CYTH3: variants seen among roughly 807,000 people sequenced by gnomAD.
CYTH3 encodes the protein cytohesin-3.
In CYTH3, 23 loss-of-function variants were observed where a neutral mutation model predicts 55.1. The observed-to-expected ratio is 0.42, with a 90% CI of 0.30 to 0.59. The LOEUF is 0.59. CYTH3 is among the 20% of genes least tolerant of loss of function. The probability of loss-of-function intolerance (pLI) is 0.20; values close to 1 mark genes in which losing one functional copy is unlikely to be tolerated. For missense variants in CYTH3, 413 were observed against 524.8 expected, an observed-to-expected ratio of 0.79 and a Z score of 2.08; for synonymous variants, 249 against 194.9, an observed-to-expected ratio of 1.28 and a Z score of -2.31.
chr7:6,207,196 G>A lies in CYTH3; in HGVS notation c.35-16665C>T, dbSNP rs562667171. ...TGCAAGCTCCACCTCCTGGGTTCAC[G>A]CCATTCTCCTGCCTCAGCCTCCCGA... On this transcript the variant is annotated intron_variant, in intron 1 of 12. Transcript: ENST00000350796. 1.0e-3 allele frequency among the ~76,000 whole-genome samples: 144 copies of A among 142,460 alleles called. 1 individual carries two copies. Among genetic ancestry groups the A allele is most frequent in the Non-Finnish European group, 1.4e-3 (96 of 66,966 alleles). The allele number at this position is 142,460 out of a possible 152,430, so 93.5% of individuals were successfully genotyped here.
At chr7:6,231,098 T>C (rs116269730) in intron 1 of CYTH3, among the ~76,000 whole-genome samples, 1 of 152,214 alleles carries the variant, frequency 6.6e-6, no homozygotes, top group Non-Finnish European at 1.5e-5. Context: ...TTAGACTTCA[T>C]CAAACACTAC....
chr7:6,250,282 G>A (rs1583196728), intron 1 of CYTH3, among the ~76,000 whole-genome samples: 2 of 152,116 alleles, frequency 1.3e-5, no homozygotes, highest in Non-Finnish European at 2.9e-5. Context: ...ATCAACTAAA[G>A]GATTTCAATA....
intron 1 of CYTH3, among the ~76,000 whole-genome samples, chr7:6,256,089 G>A (rs1382608870): frequency 6.6e-6 from 1 of 152,144 alleles, no homozygotes; most frequent in Non-Finnish European, 1.5e-5. Flanking sequence ...AACCAAAGTT[G>A]AAATGGCCCT....
chr7:6,166,403 G>T (rs1435773977), intron 9 of CYTH3, among the ~76,000 whole-genome samples: 3 of 152,220 alleles, frequency 2.0e-5, no homozygotes, highest in Admixed American at 6.5e-5. Context: ...GCCGGTGTTT[G>T]TTTTTTAAAT....
At chr7:6,207,314 T>C (rs987245112) in intron 1 of CYTH3, among the ~76,000 whole-genome samples, 3 of 152,170 alleles carry the variant, frequency 2.0e-5, no homozygotes, top group Middle Eastern at 3.4e-3. Flanking sequence ...CAGGATGGTC[T>C]CTATCTCCTG....
chr7:6,187,101 C>T lies in CYTH3; in HGVS notation c.198G>A (p.Arg66=), dbSNP rs770301160. The T allele has an allele frequency of 9.9e-6, 16 of 1,614,140 alleles. No homozygotes were observed. The highest frequency in any genetic ancestry group is 1.4e-5 in the Non-Finnish European group (16 of 1,180,010). ...TTCTTCCCATGGCTATCTGTTTGTT[C>T]CTCTGAGTCGTTTTGCTATTGGTGT... ...TSVEESKTTQ[R]NKQIAMGRKK... is the part of the protein sequence containing the mutation. Residue 66 remains arginine (R), a synonymous_variant, in exon 4 of 13, where the codon AGG becomes AGA. Transcript: ENST00000350796.
rs1562876024 is a variant in CYTH3 at position 6,170,814 on chromosome 7, G to GC, written c.711+15_711+16insG. ...AGATCCTGCAGACGGCAGCGGCCGC[G>GC]GGCCGGGGAGCTCACCCTCAGCAGC... On this transcript the variant is annotated intron_variant, in intron 8 of 12. Transcript: ENST00000350796. This position sits in a 1 kb window ranked among gnomAD's most constrained non-coding sequence, Gnocchi z 7.8. 1 of 1,604,866 alleles carries GC rather than the reference G, an allele frequency of 6.2e-7. No homozygotes were observed. Among genetic ancestry groups the GC allele is most frequent in the Non-Finnish European group, 8.5e-7 (1 of 1,175,476 alleles).
At chr7:6,214,940 G>C (rs1417402112) in intron 1 of CYTH3, among the ~76,000 whole-genome samples, 1 of 151,562 alleles carries the variant, frequency 6.6e-6, no homozygotes, top group Admixed American at 6.6e-5. Flanking sequence ...ATTTTGATTG[G>C]CTTGAAAAAA....
intron 4 of CYTH3, among the ~76,000 whole-genome samples, chr7:6,178,364 T>C (rs551692901): frequency 1.3e-5 from 2 of 152,352 alleles, no homozygotes; most frequent in African/African-American, 4.8e-5. Context: ...CGGGTGGTGC[T>C]GGTCCCCGCT....
chr7:6,165,848 C>G (rs376788276), intron 9 of CYTH3, 38 bp from the exon 10 acceptor site: 3 of 1,604,050 alleles, frequency 1.9e-6, no homozygotes, highest in Non-Finnish European at 2.6e-6. Flanking sequence ...GCGCTCCGTG[C>G]ACAGGGAGCC....
rs1783110751 is a variant in CYTH3 at position 6,169,543 on chromosome 7, C to G, written c.823+992G>C. On this transcript the variant is annotated intron_variant, in intron 9 of 12. Transcript: ENST00000350796. This position sits in a 1 kb window ranked among gnomAD's most constrained non-coding sequence, Gnocchi z 4.1. The stretch of plus-strand genomic sequence containing the variant: ...TTTTTAAAAAATCACCAGGATGCTC[C>G]ACTCCATGTCTCACGTGCTGCCCAG... Among the ~76,000 whole-genome samples the G allele has an allele frequency of 6.6e-6, 1 of 152,160 alleles. No homozygotes were observed. Among genetic ancestry groups the G allele is most frequent in the African/African-American group, 2.4e-5 (1 of 41,426 alleles).
Position 6,177,862 on chromosome 7 carries a change from CCTT to C in CYTH3, c.326_328del (p.Glu109del). 6.2e-7 allele frequency: 1 copy of C among 1,614,156 alleles called. No individual in the cohort carries two copies. On this transcript the variant is annotated inframe_deletion, in exon 5 of 13. Coordinates refer to ENST00000350796, the MANE Select transcript of CYTH3 (RefSeq NM_004227.4). ...GTCCCCAATGACGGTCTTATTTAGG[CCTT>C]CTCCTTTATAAAGGAACTGGGCGAC...
chr7:6,270,930 C>T (rs1253253905), intron 1 of CYTH3, among the ~76,000 whole-genome samples: 1 of 152,138 alleles, frequency 6.6e-6, no homozygotes, highest in Non-Finnish European at 1.5e-5. Context: ...GAGCCCAAAG[C>T]ACCTTACAAA....
chr7:6,226,943 G>C (rs1472758967), intron 1 of CYTH3, among the ~76,000 whole-genome samples: 1 of 152,136 alleles, frequency 6.6e-6, no homozygotes, highest in African/African-American at 2.4e-5. Context: ...AGCCAGGCGT[G>C]GTGGCGGGCA....
Position 6,174,578 on chromosome 7 carries a change from C to T in CYTH3, c.369-845G>A, listed in dbSNP as rs138478679. Reference sequence around the variant, plus strand: ...TTTTTTTTTTTTCCAGACAGAGTCTCGCTCTGCTGCCCAGGCTGGAGTGCA... The same window carrying T: ...TTTTTTTTTTTTCCAGACAGAGTCTTGCTCTGCTGCCCAGGCTGGAGTGCA... On this transcript the variant is annotated intron_variant, in intron 5 of 12. Transcript: ENST00000350796. 2.2e-3 allele frequency among the ~76,000 whole-genome samples: 289 copies of T among 128,468 alleles called. 2 individuals are homozygous for T. In the East Asian group the frequency reaches 0.04, roughly 18 times the overall value. The allele number at this position is 128,468 out of a possible 152,430, so 84.3% of individuals were successfully genotyped here. A position where few individuals can be genotyped will look rare whatever the true frequency, so the allele number is the denominator to read the frequency against.
At chr7:6,271,870 T>C (rs1036019920) in intron 1 of CYTH3, among the ~76,000 whole-genome samples, 1 of 152,136 alleles carries the variant, frequency 6.6e-6, no homozygotes, top group African/African-American at 2.4e-5. Context: ...TGCCGTTTCC[T>C]AAAACGTCTA....
chr7:6,245,465 G>A (rs1779785507), intron 1 of CYTH3, among the ~76,000 whole-genome samples: 1 of 152,096 alleles, frequency 6.6e-6, no homozygotes, highest in African/African-American at 2.4e-5. Context: ...TTTCATCCCA[G>A]CCTTCGTGAC....
chr7:6,226,603 A>G (rs1008544686), intron 1 of CYTH3, among the ~76,000 whole-genome samples: 17 of 152,274 alleles, frequency 1.1e-4, no homozygotes, highest in African/African-American at 4.1e-4. Flanking sequence ...TTAACTTTTT[A>G]GTTAAGTTAC....
intron 1 of CYTH3, among the ~76,000 whole-genome samples, chr7:6,262,926 G>C (rs1196871493): frequency 1.3e-5 from 2 of 151,544 alleles, no homozygotes; most frequent in Non-Finnish European, 2.9e-5. Flanking sequence ...TAAAAAAATT[G>C]TGTTTAAGTG....
Sources: gnomAD v4.1 joint callset for allele counts (sites outside exome capture counted in the v4.1 genomes callset) on GRCh38, gnomAD v4.1.1 for gene constraint, Gnocchi (gnomAD v3.1) non-coding constraint, MANE v1.5 for transcripts, NCBI Gene and HGNC (gene_info 2026-07-23, HGNC 2026-07-21) for gene names.